MEMO1: variants seen among roughly 807,000 people sequenced by gnomAD.
MEMO1 encodes protein MEMO1.
Under a neutral mutation model 45.2 loss-of-function variants are expected in MEMO1, and 6 were observed. That is an observed-to-expected ratio of 0.13 (90% confidence interval 0.07 to 0.26). The LOEUF is 0.26. MEMO1 is among the 10% of genes least tolerant of loss of function. The probability of loss-of-function intolerance (pLI) is 1.00; values close to 1 mark genes in which losing one functional copy is unlikely to be tolerated. For synonymous variants in MEMO1, 78 were observed against 124.3 expected (o/e 0.63, Z 2.48); for missense variants, 184 against 370.5 (o/e 0.50, Z 4.13).
rs374016380 is a variant in MEMO1 at position 31,990,701 on chromosome 2, C to T, written c.61+19486G>A. On this transcript the variant is annotated intron_variant, in intron 2 of 9. Transcript: ENST00000404530. ...GGATTACAGGTATGAGCGACCACGC[C>T]TAGCCAAAAGTAAGTAACTTTTATA... Among the ~76,000 whole-genome samples, 10 of 151,924 alleles carry T rather than the reference C, an allele frequency of 6.6e-5. No homozygotes were observed. In the South Asian group the frequency reaches 2.1e-3, roughly 32 times the overall value.
chr2:31,926,316 A>T (rs1397401577), intron 4 of MEMO1, among the ~76,000 whole-genome samples: 1 of 150,320 alleles, frequency 6.7e-6, no homozygotes, highest in Non-Finnish European at 1.5e-5. Context: ...ACGCTGCGTG[A>T]GCTATGATCA....
At chr2:31,934,432 T>TC (rs1664665335) in intron 3 of MEMO1, among the ~76,000 whole-genome samples, 1 of 149,256 alleles carries the variant, frequency 6.7e-6, no homozygotes, top group Non-Finnish European at 1.5e-5. Flanking sequence ...ATAACTGCCC[T>TC]CCACCTGGGT....
chr2:31,922,108 A>C (rs963906984), intron 4 of MEMO1, among the ~76,000 whole-genome samples: 7 of 152,294 alleles, frequency 4.6e-5, no homozygotes, highest in African/African-American at 1.4e-4. Flanking sequence ...AAAATATATG[A>C]TATGCTATGT....
chr2:31,958,741 TC>T lies in MEMO1; in HGVS notation c.62-15359del, dbSNP rs139946567. Among the ~76,000 whole-genome samples the T allele has an allele frequency of 1.3e-3, 200 of 152,322 alleles. 1 individual carries two copies. The highest frequency in any genetic ancestry group is 2.1e-3 in the Non-Finnish European group (146 of 68,028). ...ATCTCAGCTGAGTGCAACCTCCGCT[TC>T]CCTGGCTCAAGCCATCCTTCTACCT... On this transcript the variant is annotated intron_variant, in intron 2 of 9. Coordinates refer to ENST00000404530, the MANE Select transcript of MEMO1 (RefSeq NM_001301833.4).
intron 4 of MEMO1, among the ~76,000 whole-genome samples, chr2:31,924,499 G>T (rs1464512736): frequency 1.3e-5 from 2 of 151,330 alleles, no homozygotes; most frequent in Non-Finnish European, 2.9e-5. Context: ...AGCAAGATCA[G>T]TAGGCATTCT....
intron 6 of MEMO1, among the ~76,000 whole-genome samples, chr2:31,896,410 G>A (rs1677820575): frequency 6.6e-6 from 1 of 152,268 alleles, no homozygotes; most frequent in South Asian, 2.1e-4. Context: ...TTTCTGGGCA[G>A]TACAGTATAG....
intron 2 of MEMO1, among the ~76,000 whole-genome samples, chr2:31,949,662 A>AC (rs34209634): frequency 1.3e-5 from 2 of 150,478 alleles, no homozygotes; most frequent in African/African-American, 2.4e-5. Context: ...AAAAAAAAAA[A>AC]CCAGAAAGAA....
chr2:31,939,507 A>T (rs2148300994), intron 3 of MEMO1, among the ~76,000 whole-genome samples: 1 of 152,316 alleles, frequency 6.6e-6, no homozygotes, highest in East Asian at 1.9e-4. Context: ...CTTTTTTATG[A>T]ATACTAAACT....
intron 2 of MEMO1, among the ~76,000 whole-genome samples, chr2:31,960,914 T>C (rs1667940483): frequency 6.6e-6 from 1 of 152,142 alleles, no homozygotes. Flanking sequence ...TTTCAGTAAC[T>C]GTCATCCAGA....
chr2:31,991,036 A>T (rs1025901395), intron 2 of MEMO1, among the ~76,000 whole-genome samples: 1 of 152,184 alleles, frequency 6.6e-6, no homozygotes, highest in South Asian at 2.1e-4. Context: ...ATATGAAAAG[A>T]TCTTCAACTA....
Position 31,954,524 on chromosome 2 carries a change from G to A in MEMO1, c.62-11141C>T, listed in dbSNP as rs147850160. ...AAAGTAGTCTACAGACCAGAATCAC[G>A]TAATGTGTTTATTTAAGAAAGATCC... is the stretch of plus-strand genomic sequence containing the variant. On this transcript the variant is annotated intron_variant, in intron 2 of 9. Transcript: ENST00000404530. 2.7e-3 allele frequency among the ~76,000 whole-genome samples: 413 copies of A among 151,988 alleles called. 1 individual carries two copies. Among genetic ancestry groups the A allele is most frequent in the African/African-American group, 9.4e-3 (390 of 41,462 alleles).
intron 6 of MEMO1, among the ~76,000 whole-genome samples, chr2:31,909,824 A>C (rs1680299603): frequency 6.6e-6 from 1 of 152,282 alleles, no homozygotes; most frequent in East Asian, 1.9e-4. Flanking sequence ...AAAGAAATAC[A>C]GTAATTACTG....
At chr2:31,897,851 C>G (rs1678110775) in intron 6 of MEMO1, among the ~76,000 whole-genome samples, 1 of 151,232 alleles carries the variant, frequency 6.6e-6, no homozygotes, top group African/African-American at 2.4e-5. Flanking sequence ...TGGTCCTGGG[C>G]TTTTTGGTTG....
At chr2:31,935,798 T>G (rs995130519) in intron 3 of MEMO1, among the ~76,000 whole-genome samples, 1 of 152,156 alleles carries the variant, frequency 6.6e-6, no homozygotes, top group African/African-American at 2.4e-5. Flanking sequence ...AAACAACGTT[T>G]TATCAAGAGA....
At chr2:31,955,475 G>A (rs371838971) in intron 2 of MEMO1, among the ~76,000 whole-genome samples, 1 of 151,986 alleles carries the variant, frequency 6.6e-6, no homozygotes, top group South Asian at 2.1e-4. Flanking sequence ...CACTGATAAG[G>A]GAAGAAAATA....
intron 6 of MEMO1, among the ~76,000 whole-genome samples, chr2:31,905,915 C>T (rs1038422037): frequency 1.3e-5 from 2 of 152,170 alleles, no homozygotes; most frequent in African/African-American, 4.8e-5. Flanking sequence ...TTTCTTCCAA[C>T]TCCAATCCAT....
chr2:32,007,743 C>A (rs928629382), intron 2 of MEMO1, among the ~76,000 whole-genome samples: 2 of 152,294 alleles, frequency 1.3e-5, no homozygotes. Context: ...TAACACAATA[C>A]AAGTCCAATT....
At chr2:31,876,443 T>A (rs1674574835) in intron 8 of MEMO1, among the ~76,000 whole-genome samples, 1 of 152,204 alleles carries the variant, frequency 6.6e-6, no homozygotes, top group African/African-American at 2.4e-5. Context: ...TACTTGAAAC[T>A]AATTAATATA....
chr2:31,977,186 T>C (rs899252165), intron 2 of MEMO1, among the ~76,000 whole-genome samples: 3 of 152,064 alleles, frequency 2.0e-5, no homozygotes, highest in South Asian at 2.1e-4. Flanking sequence ...ACAAATTCAG[T>C]TCATGAAACA....
Sources: gnomAD v4.1 joint callset for allele counts (sites outside exome capture counted in the v4.1 genomes callset) on GRCh38, gnomAD v4.1.1 for gene constraint, MANE v1.5 for transcripts, NCBI Gene and HGNC (gene_info 2026-07-23, HGNC 2026-07-21) for gene names.